Variants in KDM3B observed in about 807,000 individuals in gnomAD.
KDM3B encodes lysine-specific demethylase 3B.
A neutral mutation model predicts 170.0 loss-of-function variants in KDM3B; 10 were observed. The observed-to-expected ratio is 0.06, with a 90% CI of 0.04 to 0.10. The LOEUF is 0.10. Among genes scored for constraint, KDM3B ranks in the 10% least tolerant of loss-of-function variants. KDM3B has a pLI of 1.00. For synonymous variants in KDM3B, 831 were observed against 834.8 expected (o/e 1.00, Z 0.08); for missense variants, 1,394 against 2,195.2 (o/e 0.64, Z 7.29).
chr5:138,410,212 A>T (rs941861597), intron 11 of KDM3B, among the ~76,000 whole-genome samples: 4 of 152,242 alleles, frequency 2.6e-5, no homozygotes, highest in South Asian at 4.1e-4. Flanking sequence ...TTTTGTAGAA[A>T]TTGACAAGGC....
rs541379667 is a variant in KDM3B, at chr5:138,399,854, C to T, written c.3047-6C>T. Reference sequence around the variant, plus strand: ...CAATGCCAATTCTGTTTCCTCTTTCCACCAGAGAAAGTGGCATGGAAGCGA... The same window carrying T: ...CAATGCCAATTCTGTTTCCTCTTTCTACCAGAGAAAGTGGCATGGAAGCGA... On this transcript the variant is annotated splice_region_variant and splice_polypyrimidine_tract_variant and intron_variant, in intron 10 of 23. Transcript: ENST00000314358. 3.1e-6 allele frequency: 5 copies of T among 1,610,432 alleles called. No homozygotes were observed. The African/African-American group carries it at 5.3e-5, about 17-fold the overall frequency.
intron 10 of KDM3B, 32 bp downstream of exon 10, chr5:138,398,424 C>T (rs1345878194): frequency 6.3e-7 from 1 of 1,585,844 alleles, no homozygotes; most frequent in African/African-American, 1.3e-5. Context: ...CTTCCAGGTG[C>T]TCCTAGTGAA....
chr5:138,382,960 A>T (rs1005895680), intron 6 of KDM3B, among the ~76,000 whole-genome samples: 1 of 151,954 alleles, frequency 6.6e-6, no homozygotes, highest in African/African-American at 2.4e-5. Context: ...GGTACTGTTC[A>T]GCTGGCCAAA....
rs566978034 is a variant in KDM3B, at chr5:138,426,574, C to CA, written c.4412-380dup. ...TGGGCAACAGAGCGAGACTCCATCT[C>CA]AAAAAAAAAAAAAAAAAAAAAGATT... On this transcript the variant is annotated intron_variant, in intron 17 of 23. Transcript: ENST00000314358. Among the ~76,000 whole-genome samples the CA allele has an allele frequency of 6.1e-3, 421 of 68,960 alleles. 8 individuals carry two copies. The highest frequency in any genetic ancestry group is 0.013 in the South Asian group (26 of 2,058). The allele number at this position is 68,960 out of a possible 152,430, so 45.2% of individuals were successfully genotyped here.
intron 1 of KDM3B, among the ~76,000 whole-genome samples, chr5:138,361,108 A>G (rs1051148724): frequency 2.6e-5 from 4 of 152,190 alleles, no homozygotes; most frequent in African/African-American, 9.7e-5. Context: ...TGGGTTCTAT[A>G]TAGGCTTTGC....
chr5:138,360,952 A>G (rs1761592829), intron 1 of KDM3B, among the ~76,000 whole-genome samples: 1 of 152,080 alleles, frequency 6.6e-6, no homozygotes, highest in African/African-American at 2.4e-5. Flanking sequence ...CCAAGGGTTC[A>G]TTCCCTTTTT....
intron 1 of KDM3B, among the ~76,000 whole-genome samples, chr5:138,365,922 C>G (rs758159309): frequency 3.3e-5 from 5 of 152,012 alleles, no homozygotes; most frequent in Admixed American, 3.3e-4. Flanking sequence ...CGTTTGAACC[C>G]GGGAAGCGGA....
At chr5:138,360,522 TTGTGTGTGTGTG>T (rs55976818) in intron 1 of KDM3B, among the ~76,000 whole-genome samples, 14 of 137,898 alleles carry the variant, frequency 1.0e-4, no homozygotes, top group African/African-American at 2.4e-4. Context: ...TAAAAAAAGA[TTGTGTGTGTGTG>T]TGTGTGTGTG....
chr5:138,428,294 C>T (rs565835243), intron 20 of KDM3B, among the ~76,000 whole-genome samples: 4 of 152,068 alleles, frequency 2.6e-5, no homozygotes, highest in South Asian at 2.1e-4. Flanking sequence ...CCGCAACCTC[C>T]GCTGCCTCCC....
chr5:138,421,386 T>A (rs937725287), intron 15 of KDM3B, among the ~76,000 whole-genome samples: 4 of 152,252 alleles, frequency 2.6e-5, no homozygotes, highest in African/African-American at 9.6e-5. Context: ...GTTGGTGGCA[T>A]CTCTGCCCTT....
intron 5 of KDM3B, 144 bp downstream of exon 5, chr5:138,379,852 G>C: frequency 1.4e-6 from 1 of 702,972 alleles, no homozygotes; most frequent in Non-Finnish European, 2.2e-6. Context: ...CCCTAGAAAG[G>C]CTATTGAATT....
intron 14 of KDM3B, among the ~76,000 whole-genome samples, chr5:138,419,718 T>TACACACACACACACACACACAC (rs1441720786): frequency 1.6e-5 from 1 of 63,688 alleles, no homozygotes. Context: ...CACATATATA[T>TACACACACACACACACACACAC]ACACACACAT....
Position 138,391,076 on chromosome 5 carries a change from C to A in KDM3B, c.1444C>A (p.Pro482Thr). ...FGAPLPSSSQ[P>T]LTFGSGRSQS... ...AGCACCTCTCCCTAGTTCATCGCAA[C>A]CTTTGACTTTTGGAAGTGGAAGGAG... The change falls in exon 8 of 24, where the codon CCT becomes ACT. Residue 482 changes from proline to threonine, a missense_variant. By Grantham distance (38) the Pro-to-Thr change is conservative (BLOSUM62 -1). Transcript: ENST00000314358. This position sits in a 1 kb window ranked among gnomAD's most constrained non-coding sequence, Gnocchi z 5.0. 6.2e-7 allele frequency: 1 copy of A among 1,611,440 alleles called. No homozygotes were observed. Among genetic ancestry groups the A allele is most frequent in the Non-Finnish European group, 8.5e-7 (1 of 1,178,814 alleles).
At chr5:138,371,586 C>T (rs1396791523) in intron 1 of KDM3B, among the ~76,000 whole-genome samples, 3 of 152,036 alleles carry the variant, frequency 2.0e-5, no homozygotes, top group African/African-American at 7.3e-5. Flanking sequence ...AGTGGAGTAT[C>T]TGTTCAGGGA....
At chr5:138,389,829 G>A (rs1294158273) in intron 7 of KDM3B, among the ~76,000 whole-genome samples, 1 of 146,030 alleles carries the variant, frequency 6.8e-6, no homozygotes, top group African/African-American at 2.6e-5. Context: ...TCTCTTGTCT[G>A]TATCTGGGTA....
chr5:138,425,470 C>T lies in KDM3B; in HGVS notation c.4299C>T (p.Ala1433=). 1.2e-6 allele frequency: 2 copies of T among 1,614,130 alleles called. No individual in the cohort carries two copies. The highest frequency in any genetic ancestry group is 1.7e-6 in the Non-Finnish European group (2 of 1,180,034). Residue 1433 remains alanine (A), a synonymous_variant, in exon 17 of 24, where the codon GCC becomes GCT. Transcript: ENST00000314358. ...AGTCTGAGCTCTGGAAGCCAGAAGC[C>T]TTTAGCCAGGAATTTGGAGACCAGG... ...KLKSELWKPE[A]FSQEFGDQDV...
At position 138,352,962 on chromosome 5, in the gene KDM3B, G is replaced by A; in HGVS notation, c.167G>A (p.Ser56Asn). The change falls in exon 1 of 24, where the codon AGC becomes AAC. Residue 56 changes from serine (S) to asparagine (N), a missense_variant. Transcript: ENST00000314358. The part of the protein sequence containing the change: ...AWRAGTVRAM[S>N]GAVPQDLAIF... ...CGGGCCGGCACGGTGCGGGCCATGA[G>A]CGGGGCGGTGCCCCAGGACCTAGCG... 7.9e-7 allele frequency: 1 copy of A among 1,261,120 alleles called. No individual in the cohort carries two copies. The highest frequency in any genetic ancestry group is 9.9e-7 in the Non-Finnish European group (1 of 1,006,254). The allele number at this position is 1,261,120 out of a possible 1,614,324, so 78.1% of individuals were successfully genotyped here. A position where few individuals can be genotyped will look rare whatever the true frequency, so the allele number is the denominator to read the frequency against.
intron 12 of KDM3B, among the ~76,000 whole-genome samples, chr5:138,416,613 TAAC>T (rs1403003098): frequency 8.1e-6 from 1 of 122,926 alleles, no homozygotes; most frequent in South Asian, 2.7e-4. Context: ...AAAAAAAACA[TAAC>T]AAAAAACCAA....
At chr5:138,401,580 T>C (rs1235022167) in intron 11 of KDM3B, among the ~76,000 whole-genome samples, 1 of 152,260 alleles carries the variant, frequency 6.6e-6, no homozygotes, top group African/African-American at 2.4e-5. Context: ...CTGTGAACAT[T>C]TGTGTACAGT....
Sources: gnomAD v4.1 joint callset for allele counts (sites outside exome capture counted in the v4.1 genomes callset) on GRCh38, gnomAD v4.1.1 for gene constraint, Gnocchi (gnomAD v3.1) non-coding constraint, MANE v1.5 for transcripts, NCBI Gene and HGNC (gene_info 2026-07-23, HGNC 2026-07-21) for gene names.